Variants in KIFAP3 observed in about 807,000 individuals in gnomAD.
The protein encoded by KIFAP3 is kinesin-associated protein 3.
KIFAP3 carries 68 observed loss-of-function variants against 106.5 expected under a neutral mutation model. The observed-to-expected ratio is 0.64, with a 90% confidence interval of 0.53 to 0.78. The LOEUF is 0.78. Ranked by LOEUF, KIFAP3 falls within the 30% of genes least tolerant of loss-of-function variation. The probability of loss-of-function intolerance (pLI) is 0.00; values close to 1 mark genes in which losing one functional copy is unlikely to be tolerated. For synonymous variants in KIFAP3, 320 were observed against 311.5 expected, an observed-to-expected ratio of 1.03 and a Z score of -0.29; for missense variants, 780 against 941.8, an observed-to-expected ratio of 0.83 and a Z score of 2.25.
chr1:170,010,831 T>G (rs960395307), intron 10 of KIFAP3, among the ~76,000 whole-genome samples: 1 of 152,062 alleles, frequency 6.6e-6, no homozygotes, highest in African/African-American at 2.4e-5. Context: ...GCTTAAAAGC[T>G]GATAGCATTT....
At chr1:170,023,226 GA>G (rs1472185585) in intron 9 of KIFAP3, among the ~76,000 whole-genome samples, 3 of 151,888 alleles carry the variant, frequency 2.0e-5, no homozygotes, top group Admixed American at 2.0e-4. Context: ...ATATATAGGG[GA>G]AAAATAAAAT....
intron 10 of KIFAP3, among the ~76,000 whole-genome samples, chr1:170,013,233 T>C (rs1668332571): frequency 2.0e-5 from 3 of 152,072 alleles, no homozygotes; most frequent in African/African-American, 2.4e-5. Flanking sequence ...TATTCCCTTA[T>C]AGAAACCTGA....
At chr1:170,060,105 A>T (rs1010194562) in intron 1 of KIFAP3, among the ~76,000 whole-genome samples, 3 of 152,190 alleles carry the variant, frequency 2.0e-5, no homozygotes, top group Admixed American at 6.5e-5. Flanking sequence ...GAAAACTGGC[A>T]CAAGACAGGG....
Position 170,011,529 on chromosome 1 carries a change from T to A in KIFAP3, c.1183+4933A>T, listed in dbSNP as rs557431536. 2.6e-5 allele frequency among the ~76,000 whole-genome samples: 4 copies of A among 151,952 alleles called. No homozygotes were observed. The East Asian group carries it at 7.7e-4, about 29-fold the overall frequency. On this transcript the variant is annotated intron_variant, in intron 10 of 19. Transcript: ENST00000361580. ...TAATATGTAATATATAGACATATAT[T>A]GACATGTGAATATACATGTATATAA...
At chr1:169,988,147 T>C (rs770664139) in intron 11 of KIFAP3, among the ~76,000 whole-genome samples, 1 of 152,076 alleles carries the variant, frequency 6.6e-6, no homozygotes. Flanking sequence ...ACATGTTGTA[T>C]ATATAATCAC....
intron 19 of KIFAP3, among the ~76,000 whole-genome samples, chr1:169,934,286 TC>T (rs1663664239): frequency 1.3e-5 from 2 of 152,156 alleles, no homozygotes; most frequent in Admixed American, 6.6e-5. Flanking sequence ...AATCGTTCTT[TC>T]CTTTTACCGT....
At chr1:169,962,820 T>C (rs938531185) in intron 17 of KIFAP3, among the ~76,000 whole-genome samples, 8 of 152,208 alleles carry the variant, frequency 5.3e-5, no homozygotes, top group Non-Finnish European at 8.8e-5. Context: ...AGTTGTCAGA[T>C]TGCATGTGCT....
intron 3 of KIFAP3, chr1:170,041,661 G>A (rs1210321994): frequency 1.3e-6 from 2 of 1,529,344 alleles, no homozygotes; most frequent in Non-Finnish European, 1.8e-6. Context: ...TCCCTTGCCA[G>A]CAAGGCATTA....
chr1:170,038,355 C>T lies in KIFAP3; in HGVS notation c.452G>A (p.Arg151Gln), dbSNP rs758277770. ...LLYEDIPDKV[R>Q]GSALILQLAR... Reference sequence around the variant, plus strand: ...AAGCTGCAGGATCAAAGCAGAACCCCGAACTTTGTCAGGAATATCTTCATA... The same window carrying T: ...AAGCTGCAGGATCAAAGCAGAACCCTGAACTTTGTCAGGAATATCTTCATA... The change falls in exon 5 of 20, where the codon CGG (arginine) becomes CAG (glutamine). Residue 151 changes from arginine to glutamine, a missense_variant. Physicochemically the swap from Arg to Gln is conservative, Grantham distance 43. Around this residue, in one of 3 missense-constraint regions of KIFAP3, gnomAD observed 588 missense variants for 678.9 expected, o/e 0.87. Coordinates refer to ENST00000361580, the MANE Select transcript of KIFAP3 (RefSeq NM_014970.4). 13 of 1,609,428 alleles carry T rather than the reference C, an allele frequency of 8.1e-6. No homozygotes were observed. Among genetic ancestry groups the T allele is most frequent in the South Asian group, 6.7e-5 (6 of 89,898 alleles).
In KIFAP3 at chr1:169,982,106, G is replaced by T. The variant is rs973501247; in HGVS notation, c.1673-9C>A. The stretch of plus-strand genomic sequence containing the variant: ...ATCATCTTCTGCAGCACCTAGTGAA[G>T]TCAAACCATAGAAAGTTTTCACTGA... On this transcript the variant is annotated splice_polypyrimidine_tract_variant and intron_variant, in intron 14 of 19. Transcript: ENST00000361580. 5 of 1,610,200 alleles carry T rather than the reference G, an allele frequency of 3.1e-6. No individual in the cohort carries two copies. The highest frequency in any genetic ancestry group is 4.2e-6 in the Non-Finnish European group (5 of 1,178,628).
chr1:169,956,004 T>G (rs191897015), intron 18 of KIFAP3, among the ~76,000 whole-genome samples: 151 of 152,248 alleles, frequency 9.9e-4, no homozygotes, highest in African/African-American at 3.5e-3. Flanking sequence ...ATAGTAAACT[T>G]TTTAAAAATG....
chr1:169,966,464 C>CAAA (rs58208596), intron 17 of KIFAP3, among the ~76,000 whole-genome samples: 1 of 130,086 alleles, frequency 7.7e-6, no homozygotes. Flanking sequence ...CGGAAAATGG[C>CAAA]AAAAAAAAAA....
intron 10 of KIFAP3, among the ~76,000 whole-genome samples, chr1:170,009,717 A>T (rs1419982178): frequency 6.6e-6 from 1 of 152,146 alleles, no homozygotes; most frequent in Non-Finnish European, 1.5e-5. Flanking sequence ...TAGGGTACTG[A>T]AGAATACACT....
intron 1 of KIFAP3, chr1:170,068,275 T>C (rs1030629339): frequency 6.6e-6 from 1 of 152,084 alleles, no homozygotes; most frequent in Non-Finnish European, 1.5e-5. Flanking sequence ...TTAAATCAAC[T>C]GTCTTAAATA....
intron 16 of KIFAP3, among the ~76,000 whole-genome samples, chr1:169,975,474 A>C (rs1276909089): frequency 6.6e-6 from 1 of 152,186 alleles, no homozygotes; most frequent in Non-Finnish European, 1.5e-5. Flanking sequence ...ATTACAATAA[A>C]ATGCTAAAGG....
chr1:170,009,554 C>T (rs1368185228), intron 10 of KIFAP3, among the ~76,000 whole-genome samples: 2 of 152,126 alleles, frequency 1.3e-5, no homozygotes, highest in Admixed American at 1.3e-4. Flanking sequence ...GTGCTAAAAC[C>T]ATCCTCAAGC....
intron 3 of KIFAP3, among the ~76,000 whole-genome samples, chr1:170,046,041 T>A (rs1389732523): frequency 6.6e-6 from 1 of 151,860 alleles, no homozygotes; most frequent in African/African-American, 2.4e-5. Context: ...TTCTTCATCA[T>A]CCTGTCCCAT....
intron 19 of KIFAP3, among the ~76,000 whole-genome samples, chr1:169,950,072 T>C (rs529403545): frequency 2.2e-4 from 34 of 152,316 alleles, no homozygotes; most frequent in Non-Finnish European, 4.1e-4. Flanking sequence ...TAAATTCTTC[T>C]CTAAATCTGG....
chr1:170,046,202 C>A (rs1670239034), intron 3 of KIFAP3, among the ~76,000 whole-genome samples: 1 of 20,064 alleles, frequency 5.0e-5, no homozygotes, highest in Non-Finnish European at 8.7e-5. Context: ...AAACCTTTTT[C>A]TCTGCTGCAA....
Sources: gnomAD v4.1 joint callset for allele counts (sites outside exome capture counted in the v4.1 genomes callset) on GRCh38, gnomAD v4.1.1 for gene constraint, gnomAD v4.1.1 regional missense constraint, MANE v1.5 for transcripts, NCBI Gene and HGNC (gene_info 2026-07-23, HGNC 2026-07-21) for gene names.